NAP1L3: variants seen among roughly 807,000 people sequenced by gnomAD.
NAP1L3 encodes the protein nucleosome assembly protein 1-like 3.
For missense variants in NAP1L3, 378 were observed against 369.9 expected, an observed-to-expected ratio of 1.02 and a Z score of -0.18; for synonymous variants, 127 against 131.9, an observed-to-expected ratio of 0.96 and a Z score of 0.25.
In NAP1L3 at chrX:93,671,556, A is replaced by G. The variant is rs1924357425; in HGVS notation, c.*228T>C. On this transcript the variant is annotated 3_prime_UTR_variant, in exon 1 of 1. Coordinates refer to ENST00000373079, the MANE Select transcript of NAP1L3 (RefSeq NM_004538.6). ...TGCTTTAGATAATTGACAACAGCTT[A>G]CATATTTTGAAGAATATTATACTAC... 2.6e-6 allele frequency: 1 copy of G among 391,698 alleles called. No individual in the cohort carries two copies. Among genetic ancestry groups the G allele is most frequent in the Admixed American group, 5.3e-5 (1 of 18,726 alleles). 32.3% of individuals were successfully genotyped at this position (391,698 alleles called of 1,213,427 possible). A position where few individuals can be genotyped will look rare whatever the true frequency, so the allele number is the denominator to read the frequency against.
At position 93,672,468 on chromosome X, in the gene NAP1L3, C is replaced by T. The variant is rs748189134; in HGVS notation, c.837G>A (p.Glu279=). The change falls in exon 1 of 1, where the codon GAG becomes GAA. Residue 279 remains glutamate, a synonymous_variant. Coordinates refer to ENST00000373079, the MANE Select transcript of NAP1L3 (RefSeq NM_004538.6). ...TTTCCTCAGGAACTCTTTTATGAGT[C>T]TCTCTTACTGCAGCCCTTGCCTTAG... ...TEAKARAAVR[E]THKRVPEERL... 8 of 1,209,586 alleles carry T rather than the reference C, an allele frequency of 6.6e-6. No homozygotes were observed. The Admixed American group carries it at 8.7e-5, about 13-fold the overall frequency.
Position 93,672,786 on chromosome X carries a change from A to G in NAP1L3, c.519T>C (p.Ser173=). ...EWNSEDEEFS[S]DEEVQDNTPS... is the part of the protein sequence containing the mutation. ...GGGTGTTATCCTGCACCTCCTCATC[A>G]CTGCTGAACTCCTCATCCTCTGAAT... The change falls in exon 1 of 1, where the codon AGT becomes AGC. Residue 173 remains serine, a synonymous_variant. Transcript: ENST00000373079. 8.3e-7 allele frequency: 1 copy of G among 1,210,651 alleles called. No individual in the cohort carries two copies. The highest frequency in any genetic ancestry group is 1.1e-6 in the Non-Finnish European group (1 of 895,287).
Position 93,671,772 on chromosome X carries a change from T to A in NAP1L3, c.*12A>T. 1 of 1,176,724 alleles carries A rather than the reference T, an allele frequency of 8.5e-7. No homozygotes were observed. The highest frequency in any genetic ancestry group is 2.4e-4 in the Middle Eastern group (1 of 4,091). On this transcript the variant is annotated 3_prime_UTR_variant, in exon 1 of 1. Transcript: ENST00000373079. ...GAGATTTTAAGATTCTTGAAAAATC[T>A]TTCAGATTGACTTATTTTCTGTATT...
rs1569341644 is a variant in NAP1L3, at chrX:93,673,088, G to GGCTGCGGCTGCTAGT, written c.202_216dup (p.Thr68_Ser72dup). 1.7e-6 allele frequency: 2 copies of GGCTGCGGCTGCTAGT among 1,207,695 alleles called. No homozygotes were observed. The highest frequency in any genetic ancestry group is 2.2e-5 in the Admixed American group (1 of 45,681). On this transcript the variant is annotated inframe_insertion, in exon 1 of 1. Transcript: ENST00000373079. ...GGTACCCTCTTCTTTCTATACAAGC[G>GGCTGCGGCTGCTAGT]GCTGCGGCTGCTAGTGCTGCCGCTG...
In NAP1L3 at chrX:93,671,058, G is replaced by T. The variant is rs1389119406; in HGVS notation, c.*726C>A. On this transcript the variant is annotated 3_prime_UTR_variant, in exon 1 of 1. Transcript: ENST00000373079. ...GTAGAACACAATACAAAGAAAACAC[G>T]GTATCTTTAGTTTACAATTACACAA... The T allele has an allele frequency of 9.0e-6, 1 of 111,450 alleles. No homozygotes were observed. Among genetic ancestry groups the T allele is most frequent in the Non-Finnish European group, 1.9e-5 (1 of 53,080 alleles). 9.2% of individuals were successfully genotyped at this position (111,450 alleles called of 1,213,427 possible). A position where few individuals can be genotyped will look rare whatever the true frequency, so the allele number is the denominator to read the frequency against.
Position 93,673,149 on chromosome X carries a change from A to G in NAP1L3, c.156T>C (p.Ser52=), listed in dbSNP as rs1294434678. Residue 52 remains serine (S), a synonymous_variant, in exon 1 of 1, where the codon AGT becomes AGC. Transcript: ENST00000373079. ...TGCTGCCGCTGCCGCTGCTGCTGCC[A>G]CTAGTGCTGCTGCTGCTGCTGCTGT... The part of the protein sequence containing the change: ...TSDSSSSSST[S]GSSSGSGSSS... 1 of 1,207,244 alleles carries G rather than the reference A, an allele frequency of 8.3e-7. No homozygotes were observed. The highest frequency in any genetic ancestry group is 1.8e-5 in the African/African-American group (1 of 56,873).
At position 93,672,312 on chromosome X, in the gene NAP1L3, C is replaced by G. The variant is rs147062173; in HGVS notation, c.993G>C (p.Lys331Asn). 4.3e-5 allele frequency: 52 copies of G among 1,209,873 alleles called. No homozygotes were observed. The African/African-American group carries it at 8.4e-4, about 20-fold the overall frequency. The stretch of plus-strand genomic sequence containing the variant: ...AGAACTTCAGAATGGGCTCATCATA[C>G]TTCTGAATCATAGGCCCGAGCTTGT... ...NVDKLGPMIQ[K>N]YDEPILKFLS... is the part of the protein sequence containing the mutation. The change falls in exon 1 of 1, where the codon AAG (lysine) becomes AAC (asparagine). Residue 331 changes from lysine (K) to asparagine (N), a missense_variant. Transcript: ENST00000373079.
At position 93,673,071 on chromosome X, in the gene NAP1L3, C is replaced by T; in HGVS notation, c.234G>A (p.Lys78=). The T allele has an allele frequency of 1.7e-6, 2 of 1,211,018 alleles. No homozygotes were observed. Among genetic ancestry groups the T allele is most frequent in the East Asian group, 3.0e-5 (1 of 33,803 alleles). The change falls in exon 1 of 1, where the codon AAG becomes AAA. Residue 78 remains lysine (K), a synonymous_variant. Transcript: ENST00000373079. ...CCCTTCTGGAAGGCTCAGGTACCCT[C>T]TTCTTTCTATACAAGCGGCTGCGGC... ...TSSRSRLYRK[K]RVPEPSRRAR... is the part of the protein sequence containing the mutation.
In NAP1L3 at chrX:93,671,614, CACTTTTTAGGACT is replaced by C; in HGVS notation, c.*157_*169del. 1 of 762,079 alleles carries C rather than the reference CACTTTTTAGGACT, an allele frequency of 1.3e-6. No homozygotes were observed. Among genetic ancestry groups the C allele is most frequent in the Non-Finnish European group, 1.8e-6 (1 of 560,935 alleles). 62.8% of individuals were successfully genotyped at this position (762,079 alleles called of 1,213,427 possible). On this transcript the variant is annotated 3_prime_UTR_variant, in exon 1 of 1. Coordinates refer to ENST00000373079, the MANE Select transcript of NAP1L3 (RefSeq NM_004538.6). ...TAGATAGAATAAACTGGCACTTAGA[CACTTTTTAGGACT>C]ATTTTTAAAATATAGACTACCAAGA...
At position 93,671,932 on chromosome X, in the gene NAP1L3, T is replaced by C; in HGVS notation, c.1373A>G (p.Glu458Gly). 8.3e-7 allele frequency: 1 copy of C among 1,210,710 alleles called. No homozygotes were observed. Among genetic ancestry groups the C allele is most frequent in the Non-Finnish European group, 1.1e-6 (1 of 895,007 alleles). The change falls in exon 1 of 1, where the codon GAA becomes GGA. Residue 458 changes from glutamate (E) to glycine (G), a missense_variant. By Grantham distance (98) the Glu-to-Gly change is moderately conservative. Transcript: ENST00000373079. ...AAAGTCCTCATCCAGGATAGCATCT[T>C]CTCGTGGTTCCAGCTTCCCAATCAT... ...IPMIGKLEPR[E>G]DAILDEDFEI...
Position 93,672,407 on chromosome X carries a change from T to G in NAP1L3, c.898A>C (p.Lys300Gln). The part of the protein sequence containing the change: ...QDSVDLKRAR[K>Q]GKPKREDPKG... ...GGGTCTTCTCTTTTAGGCTTTCCCT[T>G]CCTAGCTCTTTTAAGATCTACACTG... Residue 300 changes from lysine (K) to glutamine (Q), a missense_variant, in exon 1 of 1, where the codon AAG (lysine) becomes CAG (glutamine). Physicochemically the swap from Lys to Gln is moderately conservative, Grantham distance 53. Coordinates refer to ENST00000373079, the MANE Select transcript of NAP1L3 (RefSeq NM_004538.6). 1 of 1,173,565 alleles carries G rather than the reference T, an allele frequency of 8.5e-7. No homozygotes were observed. The highest frequency in any genetic ancestry group is 1.1e-6 in the Non-Finnish European group (1 of 873,460).
chrX:93,672,788 T>A lies in NAP1L3; in HGVS notation c.517A>T (p.Ser173Cys). The change falls in exon 1 of 1, where the codon AGT becomes TGT. Residue 173 changes from serine to cysteine, a missense_variant. Transcript: ENST00000373079. ...EWNSEDEEFS[S>C]DEEVQDNTPS... is the part of the protein sequence containing the mutation. ...GTGTTATCCTGCACCTCCTCATCACTGCTGAACTCCTCATCCTCTGAATTC... is the reference window on the plus strand; with the variant it reads ...GTGTTATCCTGCACCTCCTCATCACAGCTGAACTCCTCATCCTCTGAATTC... 1 of 1,211,667 alleles carries A rather than the reference T, an allele frequency of 8.3e-7. No homozygotes were observed. The highest frequency in any genetic ancestry group is 1.1e-6 in the Non-Finnish European group (1 of 895,576).
At position 93,673,073 on chromosome X, in the gene NAP1L3, T is replaced by G; in HGVS notation, c.232A>C (p.Lys78Gln). ...CTTCTGGAAGGCTCAGGTACCCTCT[T>G]CTTTCTATACAAGCGGCTGCGGCTG... Reference protein sequence around the residue: ...TSSRSRLYRKKRVPEPSRRAR... With the variant: ...TSSRSRLYRKQRVPEPSRRAR... Residue 78 changes from lysine to glutamine, a missense_variant, in exon 1 of 1, where the codon AAG (lysine) becomes CAG (glutamine). By Grantham distance (53) the Lys-to-Gln change is moderately conservative. Transcript: ENST00000373079. 1 of 1,210,659 alleles carries G rather than the reference T, an allele frequency of 8.3e-7. No individual in the cohort carries two copies. Among genetic ancestry groups the G allele is most frequent in the Non-Finnish European group, 1.1e-6 (1 of 895,211 alleles).
At position 93,672,184 on chromosome X, in the gene NAP1L3, A is replaced by C. The variant is rs1250899967; in HGVS notation, c.1121T>G (p.Val374Gly). The change falls in exon 1 of 1, where the codon GTG becomes GGG. Residue 374 changes from valine (V) to glycine (G), a missense_variant. Val to Gly is a moderately radical substitution (Grantham distance 109, BLOSUM62 -3). Coordinates refer to ENST00000373079, the MANE Select transcript of NAP1L3 (RefSeq NM_004538.6). ...TTTTGCCTTTATTATATATGTCTTC[A>C]CCAGCACCTCATTTCTGAAGTATGG... Reference protein sequence around the residue: ...PNPYFRNEVLVKTYIIKAKPD... With the variant: ...PNPYFRNEVLGKTYIIKAKPD... 8.3e-7 allele frequency: 1 copy of C among 1,209,836 alleles called. No homozygotes were observed. The highest frequency in any genetic ancestry group is 3.0e-5 in the East Asian group (1 of 33,758).
chrX:93,673,407 A>G lies in NAP1L3; in HGVS notation c.-103T>C. ...GCGGCGGCGGAGGCCCGGGCTGCGG[A>G]GGTGGCAGCGGCGATGGCAGCAGCG... is the stretch of plus-strand genomic sequence containing the variant. On this transcript the variant is annotated 5_prime_UTR_variant, in exon 1 of 1. Coordinates refer to ENST00000373079, the MANE Select transcript of NAP1L3 (RefSeq NM_004538.6). 9.1e-7 allele frequency: 1 copy of G among 1,100,466 alleles called. No homozygotes were observed. The highest frequency in any genetic ancestry group is 1.2e-6 in the Non-Finnish European group (1 of 836,430). The allele number at this position is 1,100,466 out of a possible 1,213,427, so 90.7% of individuals were successfully genotyped here.
At position 93,672,528 on chromosome X, in the gene NAP1L3, C is replaced by A. The variant is rs761370346; in HGVS notation, c.777G>T (p.Lys259Asn). 8 of 1,211,435 alleles carry A rather than the reference C, an allele frequency of 6.6e-6. No individual in the cohort carries two copies. The highest frequency in any genetic ancestry group is 8.9e-6 in the Non-Finnish European group (8 of 895,478). ...KEDPKEVPQVKADDKEQPKAT... is the reference protein window; with the variant it reads ...KEDPKEVPQVNADDKEQPKAT... ...CTTTAGGCTGTTCTTTATCATCTGC[C>A]TTTACCTGGGGGACTTCTTTAGGAT... Residue 259 changes from lysine to asparagine, a missense_variant, in exon 1 of 1, where the codon AAG (lysine) becomes AAT (asparagine). Physicochemically the swap from Lys to Asn is moderately conservative, Grantham distance 94 (BLOSUM62 0). Transcript: ENST00000373079.
At position 93,672,732 on chromosome X, in the gene NAP1L3, C is replaced by T; in HGVS notation, c.573G>A (p.Glu191=). 2.5e-6 allele frequency: 3 copies of T among 1,210,675 alleles called. No homozygotes were observed. The highest frequency in any genetic ancestry group is 3.4e-6 in the Non-Finnish European group (3 of 895,284). ...TPSEMPPLEG[E]EEENPKENPE... ...GGTTTTCTTTAGGGTTTTCTTCTTC[C>T]TCACCCTCTAAGGGAGGCATTTCAC... Residue 191 remains glutamate, a synonymous_variant, in exon 1 of 1, where the codon GAG becomes GAA. Transcript: ENST00000373079.
rs777637894 is a variant in NAP1L3, at chrX:93,671,812, T to C, written c.1493A>G (p.His498Arg). 8.3e-7 allele frequency: 1 copy of C among 1,201,358 alleles called. No individual in the cohort carries two copies. The highest frequency in any genetic ancestry group is 1.8e-5 in the South Asian group (1 of 55,391). ...VNGTYYQFGKHYGNKKYRK is the reference protein window; with the variant it reads ...VNGTYYQFGKRYGNKKYRK Reference sequence around the variant, plus strand: ...TTTTCTGTATTTCTTGTTTCCATAATGTTTGCCAAATTGATAGTAGGTACC... The same window carrying C: ...TTTTCTGTATTTCTTGTTTCCATAACGTTTGCCAAATTGATAGTAGGTACC... Residue 498 changes from histidine (H) to arginine (R), a missense_variant, in exon 1 of 1, where the codon CAT becomes CGT. Coordinates refer to ENST00000373079, the MANE Select transcript of NAP1L3 (RefSeq NM_004538.6).
Position 93,671,694 on chromosome X carries a change from T to C in NAP1L3, c.*90A>G. 1 of 1,096,894 alleles carries C rather than the reference T, an allele frequency of 9.1e-7. No individual in the cohort carries two copies. Among genetic ancestry groups the C allele is most frequent in the East Asian group, 3.3e-5 (1 of 30,648 alleles). The allele number at this position is 1,096,894 out of a possible 1,213,427, so 90.4% of individuals were successfully genotyped here. Reference sequence around the variant, plus strand: ...CTATAAGGAATAATAGTGTTCAGGTTACAGGTCAGGGTTTTACTTTTTTCA... The same window carrying C: ...CTATAAGGAATAATAGTGTTCAGGTCACAGGTCAGGGTTTTACTTTTTTCA... On this transcript the variant is annotated 3_prime_UTR_variant, in exon 1 of 1. Coordinates refer to ENST00000373079, the MANE Select transcript of NAP1L3 (RefSeq NM_004538.6).
Sources: allele counts gnomAD v4.1 joint callset, GRCh38; gene constraint gnomAD v4.1.1; transcripts MANE v1.5; gene names NCBI Gene and HGNC (gene_info 2026-07-23, HGNC 2026-07-21).